Variants in PRICKLE1 observed in about 807,000 individuals in gnomAD.
PRICKLE1 encodes prickle-like protein 1.
A neutral mutation model predicts 70.2 loss-of-function variants in PRICKLE1; 14 were observed. The ratio of observed to expected loss-of-function variants is 0.20; its 90% CI spans 0.13 to 0.31. PRICKLE1 has a LOEUF of 0.31. Ranked by LOEUF, PRICKLE1 falls within the 10% of genes least tolerant of loss-of-function variation. The pLI is 1.00. For synonymous variants in PRICKLE1, 357 were observed against 379.9 expected, an observed-to-expected ratio of 0.94 and a Z score of 0.70; for missense variants, 821 against 1,026.2, an observed-to-expected ratio of 0.80 and a Z score of 2.73.
intron 3 of PRICKLE1, chr12:42,469,852 G>C: frequency 1.8e-6 from 1 of 541,692 alleles, no homozygotes; most frequent in Non-Finnish European, 3.3e-6. Flanking sequence ...AATATATATA[G>C]GACATTAACC....
chr12:42,586,900 T>C (rs1216517350), intron 1 of PRICKLE1, among the ~76,000 whole-genome samples: 1 of 152,224 alleles, frequency 6.6e-6, no homozygotes, highest in Non-Finnish European at 1.5e-5. Context: ...TTCAGAATTA[T>C]CAAAAGAGAG....
intron 1 of PRICKLE1, among the ~76,000 whole-genome samples, chr12:42,542,499 A>T (rs914477440): frequency 6.6e-6 from 1 of 152,016 alleles, no homozygotes; most frequent in Non-Finnish European, 1.5e-5. Context: ...AAAAATACAA[A>T]ACTTGGCTGA....
intron 1 of PRICKLE1, among the ~76,000 whole-genome samples, chr12:42,566,974 A>G (rs1940631149): frequency 1.3e-5 from 2 of 152,218 alleles, no homozygotes; most frequent in Admixed American, 1.3e-4. Context: ...AATAAAACAT[A>G]TGAGGGGCAA....
At chr12:42,498,700 C>A (rs1396557663) in intron 1 of PRICKLE1, among the ~76,000 whole-genome samples, 1 of 152,158 alleles carries the variant, frequency 6.6e-6, no homozygotes, top group Non-Finnish European at 1.5e-5. Flanking sequence ...CAAAGAAGCC[C>A]GTCCATTTCC....
At position 42,460,881 on chromosome 12, in the gene PRICKLE1, G is replaced by GT. The variant is rs200726139; in HGVS notation, c.1640-217dup. ...GGGTGGGCACAGCCTTTTTTGTTTT[G>GT]TTTTTTTGTTTTGTTTTGAGACAGA... On this transcript the variant is annotated intron_variant, in intron 7 of 7. Coordinates refer to ENST00000345127, the MANE Select transcript of PRICKLE1 (RefSeq NM_153026.3). Among the ~76,000 whole-genome samples the GT allele has an allele frequency of 1.1e-3, 174 of 151,904 alleles. 5 individuals are homozygous for GT. The East Asian group carries it at 0.027, about 24-fold the overall frequency.
intron 1 of PRICKLE1, among the ~76,000 whole-genome samples, chr12:42,513,656 A>G (rs1251032744): frequency 1.3e-5 from 2 of 152,006 alleles, no homozygotes; most frequent in African/African-American, 4.8e-5. Context: ...GCTGTCCCCT[A>G]TGTCTCTCTC....
intron 1 of PRICKLE1, chr12:42,489,691 A>G (rs1288241397): frequency 6.7e-6 from 1 of 149,542 alleles, no homozygotes; most frequent in Non-Finnish European, 1.5e-5. Context: ...AAAAAATTCC[A>G]AATTTAAGTA....
chr12:42,498,790 C>T (rs1303994478), intron 1 of PRICKLE1, among the ~76,000 whole-genome samples: 2 of 152,154 alleles, frequency 1.3e-5, no homozygotes, highest in Non-Finnish European at 2.9e-5. Context: ...AGTTTCCACC[C>T]ATATGTTTCA....
chr12:42,515,164 C>A (rs1479126242), intron 1 of PRICKLE1, among the ~76,000 whole-genome samples: 2 of 152,154 alleles, frequency 1.3e-5, no homozygotes, highest in Non-Finnish European at 2.9e-5. Context: ...AAGTGATCCG[C>A]CCACCTTGGC....
At chr12:42,545,632 T>A (rs1172760268) in intron 1 of PRICKLE1, among the ~76,000 whole-genome samples, 1 of 152,168 alleles carries the variant, frequency 6.6e-6, no homozygotes, top group Non-Finnish European at 1.5e-5. Context: ...GCAGATCACT[T>A]GAAGTCAGGA....
chr12:42,492,956 A>T (rs1173604486), intron 1 of PRICKLE1, among the ~76,000 whole-genome samples: 26 of 152,184 alleles, frequency 1.7e-4, no homozygotes, highest in Non-Finnish European at 2.9e-5. Context: ...GTGAATGACT[A>T]ACTTGTTCAT....
chr12:42,481,398 A>T (rs1938788043), intron 1 of PRICKLE1, among the ~76,000 whole-genome samples: 1 of 152,208 alleles, frequency 6.6e-6, no homozygotes, highest in South Asian at 2.1e-4. Flanking sequence ...TGGCATTGTA[A>T]GATCCCTATG....
intron 1 of PRICKLE1, among the ~76,000 whole-genome samples, chr12:42,502,235 C>CTATATATATATATATA (rs5797801): frequency 6.7e-6 from 1 of 149,876 alleles, no homozygotes; most frequent in African/African-American, 2.5e-5. Flanking sequence ...ATACATATAC[C>CTATATATATATATATA]TCTATATATA....
At chr12:42,526,950 T>C (rs1298694775) in intron 1 of PRICKLE1, among the ~76,000 whole-genome samples, 1 of 151,982 alleles carries the variant, frequency 6.6e-6, no homozygotes, top group Non-Finnish European at 1.5e-5. Flanking sequence ...TTGAATGATA[T>C]AGGGGTGACG....
intron 1 of PRICKLE1, among the ~76,000 whole-genome samples, chr12:42,508,358 G>A (rs549266659): frequency 7.2e-4 from 110 of 152,200 alleles, no homozygotes; most frequent in African/African-American, 2.5e-3. Context: ...TAAAATTCAA[G>A]TAGGCCTGAA....
intron 1 of PRICKLE1, among the ~76,000 whole-genome samples, chr12:42,580,767 T>C (rs925959292): frequency 7.2e-5 from 11 of 152,146 alleles, no homozygotes; most frequent in African/African-American, 1.7e-4. Context: ...GCACAGAACA[T>C]AGATCTTCAT....
chr12:42,476,184 T>C (rs1938522681), intron 1 of PRICKLE1, among the ~76,000 whole-genome samples: 1 of 146,352 alleles, frequency 6.8e-6, no homozygotes, highest in Non-Finnish European at 1.5e-5. Flanking sequence ...AACTTCTTTT[T>C]TCTTTTTTCT....
chr12:42,503,187 T>C (rs1939345903), intron 1 of PRICKLE1, among the ~76,000 whole-genome samples: 1 of 152,240 alleles, frequency 6.6e-6, no homozygotes, highest in Non-Finnish European at 1.5e-5. Flanking sequence ...AAATCAACAC[T>C]TGTGCATTCT....
chr12:42,584,184 T>G (rs1940949971), intron 1 of PRICKLE1, among the ~76,000 whole-genome samples: 1 of 152,122 alleles, frequency 6.6e-6, no homozygotes, highest in East Asian at 1.9e-4. Flanking sequence ...TATTGAGATC[T>G]CTCTACCTTT....
Sources: gnomAD v4.1 joint callset for allele counts (sites outside exome capture counted in the v4.1 genomes callset) on GRCh38, gnomAD v4.1.1 for gene constraint, MANE v1.5 for transcripts, NCBI Gene and HGNC (gene_info 2026-07-23, HGNC 2026-07-21) for gene names.